The following CPEB3 variants were observed in gnomAD, a reference collection of about 807,000 sequenced individuals.
The protein encoded by CPEB3 is cytoplasmic polyadenylation element binding protein 3, also known as cytoplasmic polyadenylation element-binding protein 3.
In CPEB3, 20 loss-of-function variants were observed where a neutral mutation model predicts 67.2. The ratio of observed to expected loss-of-function variants is 0.30; its 90% CI spans 0.21 to 0.43. The LOEUF (loss-of-function observed/expected upper bound fraction) is 0.43, where lower values mean the gene tolerates loss of function less well. CPEB3 is among the 20% of genes least tolerant of loss of function. The pLI, the probability that CPEB3 is intolerant of heterozygous loss-of-function variation, is 1.00. For synonymous variants in CPEB3, 376 were observed against 393.1 expected (o/e 0.96, Z 0.51); for missense variants, 746 against 968.6 (o/e 0.77, Z 3.05).
chr10:92,134,587 C>T (rs2133750888), intron 6 of CPEB3, among the ~76,000 whole-genome samples: 1 of 152,024 alleles, frequency 6.6e-6, no homozygotes, highest in South Asian at 2.1e-4. Flanking sequence ...GGCCATACTG[C>T]CCAAGGTAAT....
At chr10:92,164,491 G>A (rs1320908614) in intron 4 of CPEB3, among the ~76,000 whole-genome samples, 1 of 152,118 alleles carries the variant, frequency 6.6e-6, no homozygotes, top group Non-Finnish European at 1.5e-5. Flanking sequence ...TTCCTGGCAA[G>A]CATTAATCTC....
intron 1 of CPEB3, among the ~76,000 whole-genome samples, chr10:92,273,258 A>G (rs1853380803): frequency 1.3e-5 from 2 of 152,150 alleles, no homozygotes; most frequent in Admixed American, 6.6e-5. Flanking sequence ...TGACTACTAC[A>G]TACTTGTCTC....
intron 4 of CPEB3, among the ~76,000 whole-genome samples, chr10:92,147,010 C>T (rs1200541362): frequency 2.0e-5 from 3 of 152,138 alleles, no homozygotes; most frequent in African/African-American, 7.2e-5. Flanking sequence ...GTGAGTGTTC[C>T]CAAACCCACC....
At chr10:92,107,083 G>T (rs944841417) in intron 7 of CPEB3, among the ~76,000 whole-genome samples, 8 of 152,098 alleles carry the variant, frequency 5.3e-5, no homozygotes, top group African/African-American at 7.2e-5. Flanking sequence ...ATACAAACAG[G>T]GGGAGGAGGA....
intron 7 of CPEB3, among the ~76,000 whole-genome samples, chr10:92,109,748 A>T (rs1262206741): frequency 6.6e-6 from 1 of 152,060 alleles, no homozygotes; most frequent in Admixed American, 6.6e-5. Context: ...CAATATCCCC[A>T]TTCTTTAGTA....
In CPEB3 at chr10:92,180,993, G is replaced by T. The variant is rs764699604; in HGVS notation, c.1192C>A (p.Pro398Thr). ...AGTGCCATAATATTATCTGTTCCTG[G>T]ATGATGGAAATTTATCCCCATGCGT... ...AGRMGINFHH[P>T]GTDNIMALNN... The change falls in exon 4 of 10, where the codon CCA becomes ACA. Residue 398 changes from proline (P) to threonine (T), a missense_variant. Pro to Thr is a conservative substitution (Grantham distance 38). Transcript: ENST00000265997. 6.6e-7 allele frequency: 1 copy of T among 1,520,310 alleles called. No individual in the cohort carries two copies. Among genetic ancestry groups the T allele is most frequent in the Non-Finnish European group, 9.1e-7 (1 of 1,095,880 alleles). The allele number at this position is 1,520,310 out of a possible 1,614,324, so 94.2% of individuals were successfully genotyped here.
chr10:92,274,111 T>C (rs1841868165), intron 1 of CPEB3, among the ~76,000 whole-genome samples: 1 of 152,238 alleles, frequency 6.6e-6, no homozygotes, highest in African/African-American at 2.4e-5. Flanking sequence ...CTTGCTATGA[T>C]TTCATTTTTC....
chr10:92,060,259 T>G (rs1286114968), intron 9 of CPEB3, among the ~76,000 whole-genome samples: 1 of 151,270 alleles, frequency 6.6e-6, no homozygotes, highest in East Asian at 2.0e-4. Flanking sequence ...CTTGGGAGAC[T>G]GAGGCATGAG....
At chr10:92,271,515 TG>T (rs1853306664) in intron 1 of CPEB3, among the ~76,000 whole-genome samples, 1 of 152,210 alleles carries the variant, frequency 6.6e-6, no homozygotes. Context: ...TGAAGAGCAC[TG>T]GCCAGTTATT....
At chr10:92,163,835 C>T (rs1847611222) in intron 4 of CPEB3, among the ~76,000 whole-genome samples, 1 of 152,120 alleles carries the variant, frequency 6.6e-6, no homozygotes, top group Non-Finnish European at 1.5e-5. Flanking sequence ...AAAAAAGATG[C>T]TTGAAGGGGA....
chr10:92,245,698 CTT>C (rs1273028010), intron 1 of CPEB3, among the ~76,000 whole-genome samples: 1 of 152,142 alleles, frequency 6.6e-6, no homozygotes, highest in Non-Finnish European at 1.5e-5. Flanking sequence ...TTCCTGAAGA[CTT>C]TGCTAACCTA....
At chr10:92,258,676 ATATT>A (rs1852649911) in intron 1 of CPEB3, among the ~76,000 whole-genome samples, 1 of 113,026 alleles carries the variant, frequency 8.8e-6, no homozygotes, top group African/African-American at 3.3e-5. Context: ...ATATATATAT[ATATT>A]TCATGTATTT....
chr10:92,052,805 T>C (rs1483735160), intron 9 of CPEB3, among the ~76,000 whole-genome samples: 1 of 152,142 alleles, frequency 6.6e-6, no homozygotes, highest in Non-Finnish European at 1.5e-5. Context: ...GCTGTGCACG[T>C]CAAAGCGCAT....
chr10:92,236,533 A>C (rs1395959297), intron 2 of CPEB3, among the ~76,000 whole-genome samples: 1 of 152,166 alleles, frequency 6.6e-6, no homozygotes. Context: ...GGATCACCTG[A>C]GGTCAGGAGT....
intron 2 of CPEB3, among the ~76,000 whole-genome samples, chr10:92,206,799 T>C (rs74320713): frequency 0.033 from 5,031 of 152,276 alleles, 130 homozygotes; most frequent in South Asian, 0.067. Flanking sequence ...AAGTAAACCG[T>C]TTCCCCAAAA....
At chr10:92,224,896 A>AAT (rs955014972) in intron 2 of CPEB3, among the ~76,000 whole-genome samples, 4 of 147,674 alleles carry the variant, frequency 2.7e-5, no homozygotes, top group Non-Finnish European at 6.0e-5. Flanking sequence ...TAAATTTAAA[A>AAT]ATATATATAT....
intron 1 of CPEB3, among the ~76,000 whole-genome samples, chr10:92,259,471 C>T (rs1313907350): frequency 6.6e-6 from 1 of 151,950 alleles, no homozygotes; most frequent in Non-Finnish European, 1.5e-5. Context: ...CGTGGTGGCA[C>T]ATGCCTATAA....
intron 1 of CPEB3, among the ~76,000 whole-genome samples, chr10:92,266,889 C>A (rs921526832): frequency 3.9e-5 from 6 of 152,028 alleles, no homozygotes; most frequent in African/African-American, 1.4e-4. Flanking sequence ...CAAAAATTAG[C>A]CGGGCGTGGT....
intron 4 of CPEB3, among the ~76,000 whole-genome samples, chr10:92,157,548 C>T (rs964092001): frequency 3.9e-5 from 6 of 152,066 alleles, no homozygotes; most frequent in African/African-American, 1.2e-4. Context: ...ACAAAAATTA[C>T]GTAGACTTTG....
Sources: gnomAD v4.1 joint callset for allele counts (sites outside exome capture counted in the v4.1 genomes callset) on GRCh38, gnomAD v4.1.1 for gene constraint, MANE v1.5 for transcripts, NCBI Gene and HGNC (gene_info 2026-07-23, HGNC 2026-07-21) for gene names.